Variants in ZNF292 observed in about 807,000 individuals in gnomAD.
The protein encoded by ZNF292 is 16 zinc-finger domain protein.
Under a neutral mutation model 217.9 loss-of-function variants are expected in ZNF292, and 26 were observed. The ratio of observed to expected loss-of-function variants is 0.12; its 90% CI spans 0.09 to 0.17. The LOEUF is 0.17. Among genes scored for constraint, ZNF292 ranks in the 10% least tolerant of loss-of-function variants. The probability of loss-of-function intolerance (pLI) is 1.00; values close to 1 mark genes in which losing one functional copy is unlikely to be tolerated. For missense variants in ZNF292, 2,904 were observed against 3,175.2 expected, an observed-to-expected ratio of 0.91 and a Z score of 2.05; for synonymous variants, 1,257 against 1,124.1, an observed-to-expected ratio of 1.12 and a Z score of -2.37.
In ZNF292 at chr6:87,178,645, T is replaced by C. The variant is rs189822527; in HGVS notation, c.168+22886T>C. ...TTTAGTCCTCAGCACCTCTCTGAAA[T>C]AGGTGGTTACTATCCCTGTTTATTT... On this transcript the variant is annotated intron_variant, in intron 1 of 7. Transcript: ENST00000369577. Among the ~76,000 whole-genome samples, 359 of 152,314 alleles carry C rather than the reference T, an allele frequency of 2.4e-3. 1 individual carries two copies. Among genetic ancestry groups the C allele is most frequent in the Non-Finnish European group, 2.8e-3 (189 of 68,020 alleles).
intron 1 of ZNF292, among the ~76,000 whole-genome samples, chr6:87,157,242 C>T (rs1770573210): frequency 6.6e-6 from 1 of 152,126 alleles, no homozygotes; most frequent in East Asian, 1.9e-4. Flanking sequence ...TGAAAGCTCC[C>T]TACTTAGGTA....
At chr6:87,198,737 T>C (rs1283463246) in intron 1 of ZNF292, among the ~76,000 whole-genome samples, 3 of 152,352 alleles carry the variant, frequency 2.0e-5, no homozygotes, top group Non-Finnish European at 4.4e-5. Flanking sequence ...ATATGGTGCA[T>C]ATATTGTATT....
Position 87,210,673 on chromosome 6 carries a change from G to C in ZNF292, c.169-5230G>C, listed in dbSNP as rs1307497429. Among the ~76,000 whole-genome samples the C allele has an allele frequency of 2.6e-5, 4 of 152,090 alleles. No homozygotes were observed. The East Asian group carries it at 5.8e-4, about 22-fold the overall frequency. On this transcript the variant is annotated intron_variant, in intron 1 of 7. Coordinates refer to ENST00000369577, the MANE Select transcript of ZNF292 (RefSeq NM_015021.3). ...CGGGCGTCTGTAGTCCCAACTACAC[G>C]GGAGGCTGAGGCAGGAGAATGGCGT...
chr6:87,265,346 C>T lies in ZNF292; in HGVS notation c.*3545C>T, dbSNP rs142505416. Reference sequence around the variant, plus strand: ...CATCTCCCAGGTTCAAGTGATTCTCCTACCTCAGCCACCCAAGTAGGTGCA... The same window carrying T: ...CATCTCCCAGGTTCAAGTGATTCTCTTACCTCAGCCACCCAAGTAGGTGCA... On this transcript the variant is annotated 3_prime_UTR_variant, in exon 8 of 8. Coordinates refer to ENST00000369577, the MANE Select transcript of ZNF292 (RefSeq NM_015021.3). 6.4e-4 allele frequency among the ~76,000 whole-genome samples: 98 copies of T among 152,176 alleles called. No homozygotes were observed. Among genetic ancestry groups the T allele is most frequent in the South Asian group, 1.2e-3 (6 of 4,824 alleles).
In ZNF292 at chr6:87,250,618, G is replaced by C. The variant is rs1282809379; in HGVS notation, c.1021-4032G>C. 2.6e-5 allele frequency among the ~76,000 whole-genome samples: 4 copies of C among 152,268 alleles called. No individual in the cohort carries two copies. The South Asian group carries it at 6.2e-4, about 24-fold the overall frequency. ...TTATGTGAGAAGATGTCCATAGTTT[G>C]TATGCAAATACTATGCCATTTTATA... On this transcript the variant is annotated intron_variant, in intron 7 of 7. Coordinates refer to ENST00000369577, the MANE Select transcript of ZNF292 (RefSeq NM_015021.3).
chr6:87,187,163 A>C (rs1771689813), intron 1 of ZNF292, among the ~76,000 whole-genome samples: 1 of 152,240 alleles, frequency 6.6e-6, no homozygotes. Context: ...TCCTGCAGTA[A>C]CTAGAAAAAG....
intron 7 of ZNF292, among the ~76,000 whole-genome samples, chr6:87,246,921 A>G (rs1774619662): frequency 6.6e-6 from 1 of 152,156 alleles, no homozygotes; most frequent in Non-Finnish European, 1.5e-5. Context: ...TTGGGAGGCC[A>G]AGGCGGGTGG....
chr6:87,232,795 G>A (rs1773719828), intron 4 of ZNF292, among the ~76,000 whole-genome samples: 1 of 151,862 alleles, frequency 6.6e-6, no homozygotes, highest in African/African-American at 2.4e-5. Context: ...TAGATATTTT[G>A]ATTCATTATA....
At chr6:87,203,304 GCTAA>G (rs1772147040) in intron 1 of ZNF292, among the ~76,000 whole-genome samples, 2 of 151,460 alleles carry the variant, frequency 1.3e-5, no homozygotes, top group South Asian at 4.2e-4. Flanking sequence ...ACCATATCTG[GCTAA>G]CTTTTTGTAT....
chr6:87,248,823 C>T (rs1048696200), intron 7 of ZNF292, among the ~76,000 whole-genome samples: 2 of 152,164 alleles, frequency 1.3e-5, no homozygotes, highest in Non-Finnish European at 2.9e-5. Flanking sequence ...CATCCTTCTT[C>T]AGTCTTACTC....
intron 1 of ZNF292, among the ~76,000 whole-genome samples, chr6:87,210,801 G>C (rs1180468285): frequency 4.0e-5 from 6 of 151,842 alleles, no homozygotes; most frequent in Admixed American, 3.3e-4. Flanking sequence ...AACAAACAAA[G>C]AATGAGGTGA....
intron 1 of ZNF292, among the ~76,000 whole-genome samples, chr6:87,208,908 GT>G (rs2127795503): frequency 6.6e-6 from 1 of 152,326 alleles, no homozygotes; most frequent in African/African-American, 2.4e-5. Flanking sequence ...AGTATGTAAA[GT>G]TGACTTATTG....
chr6:87,218,192 A>T (rs1437983868), intron 3 of ZNF292, among the ~76,000 whole-genome samples: 5 of 152,180 alleles, frequency 3.3e-5, no homozygotes, highest in Non-Finnish European at 5.9e-5. Flanking sequence ...TGGAATATGC[A>T]TAAGTTGTCA....
At chr6:87,214,359 A>T (rs1322796488) in intron 1 of ZNF292, among the ~76,000 whole-genome samples, 1 of 152,102 alleles carries the variant, frequency 6.6e-6, no homozygotes, top group Non-Finnish European at 1.5e-5. Flanking sequence ...TTTCATGTGG[A>T]TTGAGCTAAG....
In ZNF292 at chr6:87,256,665, A is replaced by T; in HGVS notation, c.3036A>T (p.Lys1012Asn). The change falls in exon 8 of 8, where the codon AAA becomes AAT. Residue 1012 changes from lysine to asparagine, a missense_variant. This residue lies in a region of ZNF292 where 687 missense variants were observed against 623.0 expected (regional missense o/e 1.10). Transcript: ENST00000369577. ...QNSLVNSETL[K>N]IGDLTPQNLE... The stretch of plus-strand genomic sequence containing the variant: ...CTTTAGTAAATTCAGAAACTCTCAA[A>T]ATAGGTGACCTTACCCCACAAAACT... 2 of 1,613,500 alleles carry T rather than the reference A, an allele frequency of 1.2e-6. No individual in the cohort carries two copies. The highest frequency in any genetic ancestry group is 2.2e-5 in the South Asian group (2 of 91,076).
intron 4 of ZNF292, chr6:87,223,201 C>T (rs1773180820): frequency 6.4e-6 from 1 of 155,420 alleles, no homozygotes; most frequent in Non-Finnish European, 1.4e-5. Context: ...CCACCTCAGC[C>T]TCCCGAGTAG....
chr6:87,194,325 AAG>A (rs1377270120), intron 1 of ZNF292, among the ~76,000 whole-genome samples: 8 of 147,798 alleles, frequency 5.4e-5, no homozygotes, highest in East Asian at 1.9e-4. Flanking sequence ...TTTTAATTTA[AAG>A]AGTGAAAAAT....
In ZNF292 at chr6:87,259,710, A is replaced by G. The variant is rs2127871313; in HGVS notation, c.6081A>G (p.Ala2027=). ...CTCAGCCTGCTTTAGAATTGAGAGC[A>G]GAGACCCAAAATACCCACAGTAATG... ...KESQPALELR[A]ETQNTHSNVA... is the part of the protein sequence containing the mutation. Residue 2027 remains alanine, a synonymous_variant, in exon 8 of 8, where the codon GCA becomes GCG. Transcript: ENST00000369577. The G allele has an allele frequency of 6.2e-7, 1 of 1,602,336 alleles. No homozygotes were observed. The highest frequency in any genetic ancestry group is 8.5e-7 in the Non-Finnish European group (1 of 1,174,134).
intron 1 of ZNF292, among the ~76,000 whole-genome samples, chr6:87,182,225 C>T (rs947975014): frequency 4.6e-5 from 7 of 152,098 alleles, no homozygotes; most frequent in Non-Finnish European, 1.0e-4. Flanking sequence ...AGTCATCGAT[C>T]CCAAAAATGG....
Sources: allele counts gnomAD v4.1 joint callset (sites outside exome capture counted in the v4.1 genomes callset), GRCh38; gene constraint gnomAD v4.1.1; regional missense constraint gnomAD v4.1.1; transcripts MANE v1.5; gene names NCBI Gene and HGNC (gene_info 2026-07-23, HGNC 2026-07-21).